The following SEH1L variants were observed in gnomAD, a reference collection of about 807,000 sequenced individuals.
SEH1L encodes the protein SEH1 like nucleoporin, also known as nucleoporin SEH1.
In SEH1L, 18 loss-of-function variants were observed where a neutral mutation model predicts 49.5. The ratio of observed to expected loss-of-function variants is 0.36; its 90% CI spans 0.25 to 0.54. SEH1L has a LOEUF of 0.54. Among genes scored for constraint, SEH1L ranks in the 20% least tolerant of loss-of-function variants. The probability of loss-of-function intolerance (pLI) is 0.87; values close to 1 mark genes in which losing one functional copy is unlikely to be tolerated. For missense variants in SEH1L, 404 were observed against 528.8 expected (o/e 0.76, Z 2.31); for synonymous variants, 169 against 178.1 (o/e 0.95, Z 0.41).
intron 8 of SEH1L, 51 bp from the exon 9 acceptor site, chr18:12,986,811 T>TC: frequency 7.5e-7 from 1 of 1,330,194 alleles, no homozygotes; most frequent in Non-Finnish European, 9.7e-7. Flanking sequence ...GTGTTTTTTT[T>TC]TTCCTGTTTT....
intron 6 of SEH1L, among the ~76,000 whole-genome samples, chr18:12,982,303 C>G (rs2032301141): frequency 6.6e-6 from 1 of 152,084 alleles, no homozygotes; most frequent in Admixed American, 6.6e-5. Flanking sequence ...TGGGATCACT[C>G]CAGGTCTTGG....
At chr18:12,979,166 T>C (rs1403739105) in intron 6 of SEH1L, among the ~76,000 whole-genome samples, 19 of 150,608 alleles carry the variant, frequency 1.3e-4, no homozygotes, top group Admixed American at 1.1e-3. Flanking sequence ...GGTCAGCAGA[T>C]AAACAAGTGA....
intron 4 of SEH1L, among the ~76,000 whole-genome samples, chr18:12,965,887 G>C (rs1375116851): frequency 6.6e-6 from 1 of 152,044 alleles, no homozygotes; most frequent in Non-Finnish European, 1.5e-5. Flanking sequence ...ATTCATTAGA[G>C]AAAATTTCAG....
intron 8 of SEH1L, chr18:12,985,012 C>A (rs201538151): frequency 6.1e-6 from 2 of 328,138 alleles, no homozygotes; most frequent in Non-Finnish European, 9.9e-6. Context: ...TGCATCAAAA[C>A]AATTTCAGGT....
At chr18:12,948,848 CTTTT>C (rs920060634) in intron 1 of SEH1L, 6 of 132,054 alleles carry the variant, frequency 4.5e-5, no homozygotes, top group Admixed American at 7.7e-5. Context: ...AATTTCTTTT[CTTTT>C]TTTTTTTTTT....
In SEH1L at chr18:12,949,243, G is replaced by C. The variant is rs1239005031; in HGVS notation, c.111+1011G>C. Reference sequence around the variant, plus strand: ...CAGATGTGTTGCAGGATGAATGAAAGCTGGAGTGCGGATTATTTGGTTCTC... The same window carrying C: ...CAGATGTGTTGCAGGATGAATGAAACCTGGAGTGCGGATTATTTGGTTCTC... On this transcript the variant is annotated intron_variant, in intron 1 of 8. Coordinates refer to ENST00000399892, the MANE Select transcript of SEH1L (RefSeq NM_001013437.2). Among the ~76,000 whole-genome samples, 3 of 151,904 alleles carry C rather than the reference G, an allele frequency of 2.0e-5. No individual in the cohort carries two copies. The East Asian group carries it at 5.8e-4, about 29-fold the overall frequency.
chr18:12,979,262 C>T (rs1274429184), intron 6 of SEH1L, among the ~76,000 whole-genome samples: 13 of 149,196 alleles, frequency 8.7e-5, no homozygotes, highest in South Asian at 6.5e-4. Context: ...TAGGGAGTGG[C>T]GATGACTCTT....
At chr18:12,954,431 A>G (rs1384700293) in intron 2 of SEH1L, among the ~76,000 whole-genome samples, 2 of 152,188 alleles carry the variant, frequency 1.3e-5, no homozygotes, top group Admixed American at 1.3e-4. Flanking sequence ...TAAGCATTCT[A>G]TGGCTATAAT....
intron 2 of SEH1L, 90 bp downstream of exon 2, chr18:12,951,995 T>G: frequency 1.4e-6 from 1 of 698,358 alleles, no homozygotes; most frequent in Non-Finnish European, 2.3e-6. Context: ...GAAAATAACA[T>G]TTATACAGTA....
chr18:12,950,008 C>T (rs1342324309), intron 1 of SEH1L, among the ~76,000 whole-genome samples: 1 of 151,798 alleles, frequency 6.6e-6, no homozygotes, highest in Non-Finnish European at 1.5e-5. Context: ...GTTTATTTCA[C>T]TTAGTATAAT....
chr18:12,982,779 T>C lies in SEH1L; in HGVS notation c.919+104T>C, dbSNP rs184636323. ...ATTTTTTGAAAATGGTCTTTTACAG[T>C]TACTTTTAATGTCATATTAATTTAT... On this transcript the variant is annotated intron_variant, in intron 7 of 8. Coordinates refer to ENST00000399892, the MANE Select transcript of SEH1L (RefSeq NM_001013437.2). The C allele has an allele frequency of 3.1e-3, 2,567 of 824,516 alleles. 11 individuals carry two copies. The highest frequency in any genetic ancestry group is 3.9e-3 in the Non-Finnish European group (2,070 of 531,150). The allele number at this position is 824,516 out of a possible 1,614,324, so 51.1% of individuals were successfully genotyped here.
chr18:12,963,419 A>G (rs2031287868), intron 4 of SEH1L, 48 bp downstream of exon 4: 1 of 1,406,126 alleles, frequency 7.1e-7, no homozygotes, highest in Non-Finnish European at 1.0e-6. Context: ...AAAATAAACT[A>G]GTAACTTTTA....
chr18:12,965,009 CTT>C (rs138934038), intron 4 of SEH1L, among the ~76,000 whole-genome samples: 6 of 82,604 alleles, frequency 7.3e-5, no homozygotes, highest in African/African-American at 2.3e-4. Context: ...TTTCCTCATT[CTT>C]TTTTTTTTTT....
At chr18:12,968,415 G>A (rs988890942) in intron 4 of SEH1L, among the ~76,000 whole-genome samples, 1 of 152,150 alleles carries the variant, frequency 6.6e-6, no homozygotes, top group African/African-American at 2.4e-5. Context: ...GTTTTGGAGT[G>A]CTCCTTTATT....
chr18:12,986,992 C>G lies in SEH1L; in HGVS notation c.1201C>G (p.Pro401Ala). The G allele has an allele frequency of 6.2e-7, 1 of 1,613,848 alleles. No individual in the cohort carries two copies. Among genetic ancestry groups the G allele is most frequent in the East Asian group, 2.2e-5 (1 of 44,880 alleles). The change falls in exon 9 of 9, where the codon CCT becomes GCT. Residue 401 changes from proline (P) to alanine (A), a missense_variant. By Grantham distance (27) the Pro-to-Ala change is conservative (BLOSUM62 -1). Transcript: ENST00000399892. ...CDADTANLQY[P>A]HPRRRYLSRP... ...TGCTGACACTGCCAACCTCCAGTAT[C>G]CTCACCCTCGCAGACGATATCTCTC...
At chr18:12,965,662 G>A (rs1439769381) in intron 4 of SEH1L, among the ~76,000 whole-genome samples, 1 of 152,200 alleles carries the variant, frequency 6.6e-6, no homozygotes. Flanking sequence ...TCTGATGCTG[G>A]TTCTTTTGTA....
chr18:12,948,319 G>T, intron 1 of SEH1L, 87 bp downstream of exon 1: 1 of 934,640 alleles, frequency 1.1e-6, no homozygotes, highest in Admixed American at 2.0e-5. Context: ...CTGTGTCTTG[G>T]TTCAGTGACG....
At chr18:12,957,148 C>T (rs1193116064) in intron 3 of SEH1L, among the ~76,000 whole-genome samples, 2 of 152,266 alleles carry the variant, frequency 1.3e-5, no homozygotes, top group East Asian at 1.9e-4. Flanking sequence ...CTGTCCTCGG[C>T]CGGGTGCGGT....
At chr18:12,960,994 T>G (rs950248496) in intron 3 of SEH1L, among the ~76,000 whole-genome samples, 2 of 152,168 alleles carry the variant, frequency 1.3e-5, no homozygotes, top group Non-Finnish European at 2.9e-5. Flanking sequence ...GTGGGTGACT[T>G]GAGAGAGTCA....
Sources: allele counts gnomAD v4.1 joint callset (sites outside exome capture counted in the v4.1 genomes callset), GRCh38; gene constraint gnomAD v4.1.1; transcripts MANE v1.5; gene names NCBI Gene and HGNC (gene_info 2026-07-23, HGNC 2026-07-21).